Variants in NPSR1 observed in about 807,000 individuals in gnomAD.
NPSR1 encodes the protein neuropeptide S receptor 1.
NPSR1 carries 48 observed loss-of-function variants against 46.9 expected under a neutral mutation model. That is an observed-to-expected ratio of 1.02 (90% confidence interval 0.81 to 1.30). The LOEUF is 1.30. Ranked by LOEUF, NPSR1 falls within the 50% of genes most tolerant of loss-of-function variation. NPSR1 has a pLI of 0.00. For synonymous variants in NPSR1, 176 were observed against 168.1 expected (o/e 1.05, Z -0.36); for missense variants, 450 against 449.5 (o/e 1.00, Z -0.01).
intron 2 of NPSR1, chr7:34,704,022 G>C (rs1312576837): frequency 6.6e-6 from 1 of 152,158 alleles, no homozygotes; most frequent in Non-Finnish European, 1.5e-5. Flanking sequence ...ACTTTCTGAA[G>C]AGCAATTTAC....
intron 3 of NPSR1, among the ~76,000 whole-genome samples, chr7:34,808,117 G>T (rs1788800229): frequency 6.6e-6 from 1 of 152,102 alleles, no homozygotes. Context: ...GGGCCGATAT[G>T]GTCACACGCC....
chr7:34,713,103 A>G (rs1253204013), intron 2 of NPSR1, among the ~76,000 whole-genome samples: 1 of 152,242 alleles, frequency 6.6e-6, no homozygotes, highest in African/African-American at 2.4e-5. Context: ...GTGATTGTTA[A>G]GAAGGAACAC....
chr7:34,789,917 T>C (rs1176708595), intron 3 of NPSR1, among the ~76,000 whole-genome samples: 2 of 152,140 alleles, frequency 1.3e-5, no homozygotes, highest in Admixed American at 6.6e-5. Flanking sequence ...CAGGATCAGA[T>C]GGCTTCACTG....
chr7:34,719,788 A>G (rs1407555746), intron 2 of NPSR1: 1 of 152,106 alleles, frequency 6.6e-6, no homozygotes, highest in East Asian at 1.9e-4. Flanking sequence ...CCTCAGTGCA[A>G]CCTGTCTCAT....
intron 4 of NPSR1, among the ~76,000 whole-genome samples, chr7:34,818,256 C>T (rs573693988): frequency 6.6e-6 from 1 of 152,280 alleles, no homozygotes; most frequent in Non-Finnish European, 1.5e-5. Context: ...AAATCACAAG[C>T]ATTCCTATAC....
At chr7:34,709,733 G>A (rs1400099963) in intron 2 of NPSR1, among the ~76,000 whole-genome samples, 2 of 151,954 alleles carry the variant, frequency 1.3e-5, no homozygotes, top group South Asian at 2.1e-4. Flanking sequence ...CAAGAACTTA[G>A]AACAGTAGTT....
chr7:34,827,643 C>CGGGGGGGGGG, intron 5 of NPSR1, 41 bp downstream of exon 5: 3 of 405,056 alleles, frequency 7.4e-6, no homozygotes, highest in Admixed American at 3.3e-5. Flanking sequence ...GGGGGTGGGG[C>CGGGGGGGGGG]GGGGGGGGCT....
chr7:34,724,256 A>AT (rs1784021361), intron 2 of NPSR1, among the ~76,000 whole-genome samples: 2 of 152,372 alleles, frequency 1.3e-5, no homozygotes, highest in East Asian at 3.9e-4. Context: ...ACAGAAACAG[A>AT]TTCAGAAAAA....
At chr7:34,716,655 T>C (rs1303898994) in intron 2 of NPSR1, among the ~76,000 whole-genome samples, 1 of 152,170 alleles carries the variant, frequency 6.6e-6, no homozygotes, top group Admixed American at 6.5e-5. Flanking sequence ...GATGAATTCA[T>C]TGAATATTAT....
At chr7:34,819,287 T>A (rs1429741702) in intron 4 of NPSR1, among the ~76,000 whole-genome samples, 1 of 152,110 alleles carries the variant, frequency 6.6e-6, no homozygotes. Context: ...AAAGAAGACA[T>A]CTATGCAGCC....
Position 34,684,593 on chromosome 7 carries a change from C to T in NPSR1, c.189C>T (p.Thr63=). ...LITLWVLFVF[T]IVGNSVVLFS... Reference sequence around the variant, plus strand: ...CTCTGTGGGTCCTCTTTGTTTTTACCATTGTTGGAAACTCCGTTGTGCTTT... The same window carrying T: ...CTCTGTGGGTCCTCTTTGTTTTTACTATTGTTGGAAACTCCGTTGTGCTTT... Residue 63 remains threonine (T), a synonymous_variant, in exon 2 of 9, where the codon ACC becomes ACT. Coordinates refer to ENST00000360581, the MANE Select transcript of NPSR1 (RefSeq NM_207172.2). 1 of 1,613,434 alleles carries T rather than the reference C, an allele frequency of 6.2e-7. No individual in the cohort carries two copies. Among genetic ancestry groups the T allele is most frequent in the Non-Finnish European group, 8.5e-7 (1 of 1,179,698 alleles).
intron 3 of NPSR1, among the ~76,000 whole-genome samples, chr7:34,795,849 A>T (rs1298598446): frequency 1.3e-5 from 2 of 152,258 alleles, no homozygotes; most frequent in African/African-American, 4.8e-5. Flanking sequence ...TGTAGATTCA[A>T]CACAGTCCCA....
intron 1 of NPSR1, among the ~76,000 whole-genome samples, chr7:34,682,902 G>T (rs1011164064): frequency 2.6e-5 from 4 of 152,114 alleles, no homozygotes; most frequent in Non-Finnish European, 5.9e-5. Flanking sequence ...CCTCCAAGTG[G>T]GAAGTGACAT....
At chr7:34,753,278 T>C (rs1357678164) in intron 2 of NPSR1, 1 of 152,200 alleles carries the variant, frequency 6.6e-6, no homozygotes, top group African/African-American at 2.4e-5. Context: ...AATACGAGAC[T>C]GTCTTCCCCA....
chr7:34,876,287 G>A (rs1251507472), intron 8 of NPSR1, among the ~76,000 whole-genome samples: 1 of 152,178 alleles, frequency 6.6e-6, no homozygotes, highest in Non-Finnish European at 1.5e-5. Flanking sequence ...CCCACATACT[G>A]GCTATGTGAC....
chr7:34,863,908 A>G (rs186901223), intron 8 of NPSR1, among the ~76,000 whole-genome samples: 19 of 151,924 alleles, frequency 1.3e-4, no homozygotes, highest in Admixed American at 1.1e-3. Flanking sequence ...TCATTCTACT[A>G]TAAAAACACA....
intron 1 of NPSR1, among the ~76,000 whole-genome samples, chr7:34,677,959 T>C (rs191559075): frequency 1.3e-5 from 2 of 152,350 alleles, no homozygotes; most frequent in African/African-American, 2.4e-5. Context: ...CTGTATCTAC[T>C]ATCTTCCTCA....
At chr7:34,767,335 A>T (rs1242444528) in intron 2 of NPSR1, among the ~76,000 whole-genome samples, 1 of 152,234 alleles carries the variant, frequency 6.6e-6, no homozygotes, top group African/African-American at 2.4e-5. Flanking sequence ...CCTACTAAAT[A>T]ACCATGATTA....
intron 2 of NPSR1, chr7:34,723,405 C>T (rs1414745402): frequency 1.3e-5 from 2 of 152,504 alleles, no homozygotes; most frequent in African/African-American, 4.8e-5. Flanking sequence ...CCTGTCAAAA[C>T]AAGAAGAGTC....
Sources: allele counts gnomAD v4.1 joint callset (sites outside exome capture counted in the v4.1 genomes callset), GRCh38; gene constraint gnomAD v4.1.1; transcripts MANE v1.5; gene names NCBI Gene and HGNC (gene_info 2026-07-23, HGNC 2026-07-21).